The following WNK2 variants were observed in gnomAD, a reference collection of about 807,000 sequenced individuals.
The protein encoded by WNK2 is serine/threonine-protein kinase WNK2.
In WNK2, 67 loss-of-function variants were observed where a neutral mutation model predicts 192.1. The ratio of observed to expected loss-of-function variants is 0.35; its 90% CI spans 0.29 to 0.43. The LOEUF (loss-of-function observed/expected upper bound fraction) is 0.43, where lower values mean the gene tolerates loss of function less well. WNK2 is among the 20% of genes least tolerant of loss of function. WNK2 has a pLI of 1.00. For missense variants in WNK2, 2,698 were observed against 3,089.7 expected (o/e 0.87, Z 3.01); for synonymous variants, 1,439 against 1,393.9 (o/e 1.03, Z -0.72).
intron 21 of WNK2, 93 bp downstream of exon 21, chr9:93,290,140 G>C: frequency 8.7e-7 from 1 of 1,153,896 alleles, no homozygotes; most frequent in Non-Finnish European, 1.2e-6. Context: ...TCTTTCATCT[G>C]TTAAGGCATA....
chr9:93,251,460 C>T (rs1842595368), intron 8 of WNK2, among the ~76,000 whole-genome samples: 1 of 152,108 alleles, frequency 6.6e-6, no homozygotes, highest in African/African-American at 2.4e-5. Flanking sequence ...GGCATGGTGG[C>T]TCCTTTTGGG....
intron 2 of WNK2, among the ~76,000 whole-genome samples, chr9:93,203,550 G>T (rs1832857157): frequency 6.6e-6 from 1 of 152,186 alleles, no homozygotes; most frequent in Admixed American, 6.5e-5. Context: ...GTCGTTGAAG[G>T]CCTAGTCCCC....
In WNK2 at chr9:93,231,015, A is replaced by C; in HGVS notation, c.982A>C (p.Asn328His). ...CATCCACCGAGACCTGAAATGTGAC[A>C]ATATTTTCATCACCGGACCAACTGG... is the stretch of plus-strand genomic sequence containing the variant. ...PIIHRDLKCD[N>H]IFITGPTGSV... The change falls in exon 4 of 30, where the codon AAT becomes CAT. Residue 328 changes from asparagine to histidine, a missense_variant. Asn to His is a moderately conservative substitution (Grantham distance 68). Transcript: ENST00000427277. 1 of 1,613,884 alleles carries C rather than the reference A, an allele frequency of 6.2e-7. No homozygotes were observed. The highest frequency in any genetic ancestry group is 8.5e-7 in the Non-Finnish European group (1 of 1,179,846).
chr9:93,299,488 T>C (rs1010259754), intron 25 of WNK2, among the ~76,000 whole-genome samples: 1 of 150,320 alleles, frequency 6.7e-6, no homozygotes, highest in Non-Finnish European at 1.5e-5. Context: ...CAGGGGGAGG[T>C]GATGCTTTGC....
At chr9:93,277,187 G>A (rs541595010) in intron 19 of WNK2, among the ~76,000 whole-genome samples, 1 of 152,304 alleles carries the variant, frequency 6.6e-6, no homozygotes, top group South Asian at 2.1e-4. Context: ...AGGCATCACT[G>A]CACACCTGTT....
At chr9:93,302,375 G>A (rs1052453831) in intron 26 of WNK2, among the ~76,000 whole-genome samples, 3 of 152,068 alleles carry the variant, frequency 2.0e-5, no homozygotes, top group Non-Finnish European at 2.9e-5. Flanking sequence ...GTCGGGGGTC[G>A]CGCTGCAAGT....
In WNK2 at chr9:93,229,540, G is replaced by A. The variant is rs922488364; in HGVS notation, c.682-156G>A. Among the ~76,000 whole-genome samples the A allele has an allele frequency of 3.9e-5, 6 of 152,158 alleles. No homozygotes were observed. Among genetic ancestry groups the A allele is most frequent in the African/African-American group, 1.4e-4 (6 of 41,448 alleles). On this transcript the variant is annotated intron_variant, in intron 2 of 29. Transcript: ENST00000427277. The surrounding 1 kb of genome is among the most constrained non-coding windows in gnomAD (Gnocchi z 4.9). Reference sequence around the variant, plus strand: ...GGGGACTAAGGAGTCAGCAGTTGTGGTGCCAGTGTCTGCATGCCCTTCTAT... The same window carrying A: ...GGGGACTAAGGAGTCAGCAGTTGTGATGCCAGTGTCTGCATGCCCTTCTAT...
Position 93,231,037 on chromosome 9 carries a change from C to T in WNK2, c.1004C>T (p.Thr335Ile). Reference sequence around the variant, plus strand: ...GACAATATTTTCATCACCGGACCAACTGGGTCTGTGAAGATTGGCGACTTG... The same window carrying T: ...GACAATATTTTCATCACCGGACCAATTGGGTCTGTGAAGATTGGCGACTTG... ...KCDNIFITGPTGSVKIGDLGL... is the reference protein window; with the variant it reads ...KCDNIFITGPIGSVKIGDLGL... The change falls in exon 4 of 30, where the codon ACT becomes ATT. Residue 335 changes from threonine (T) to isoleucine (I), a missense_variant. This residue lies in a region of WNK2 where 230 missense variants were observed against 501.1 expected (regional missense o/e 0.46). Coordinates refer to ENST00000427277, the MANE Select transcript of WNK2 (RefSeq NM_006648.4). The T allele has an allele frequency of 6.2e-7, 1 of 1,613,946 alleles. No individual in the cohort carries two copies. The highest frequency in any genetic ancestry group is 8.5e-7 in the Non-Finnish European group (1 of 1,179,860).
chr9:93,305,698 G>A lies in WNK2; in HGVS notation c.6215-1079G>A, dbSNP rs946054271. Among the ~76,000 whole-genome samples, 3 of 152,244 alleles carry A rather than the reference G, an allele frequency of 2.0e-5. 1 individual carries two copies. Among genetic ancestry groups the A allele is most frequent in the South Asian group, 4.1e-4 (2 of 4,832 alleles). ...CTGTCCCCCGAGGCAGGAGGCATGAGCCCTTCTGGAGAAGGAAGGCAGACG... is the reference window on the plus strand; with the variant it reads ...CTGTCCCCCGAGGCAGGAGGCATGAACCCTTCTGGAGAAGGAAGGCAGACG... On this transcript the variant is annotated intron_variant, in intron 26 of 29. Coordinates refer to ENST00000427277, the MANE Select transcript of WNK2 (RefSeq NM_006648.4).
rs80271507 is a variant in WNK2 at position 93,243,025 on chromosome 9, G to T, written c.1542+3049G>T. ...TCAGGAGGCCAAGTGCTACAGCGACGGCTGAGCGGCAGAGGGGACATCAGA... is the reference window on the plus strand; with the variant it reads ...TCAGGAGGCCAAGTGCTACAGCGACTGCTGAGCGGCAGAGGGGACATCAGA... On this transcript the variant is annotated intron_variant, in intron 7 of 29. Transcript: ENST00000427277. 5.3e-3 allele frequency among the ~76,000 whole-genome samples: 813 copies of T among 152,284 alleles called. 8 individuals are homozygous for T. The highest frequency in any genetic ancestry group is 0.018 in the African/African-American group (751 of 41,552).
intron 29 of WNK2, among the ~76,000 whole-genome samples, chr9:93,319,933 G>T (rs910021913): frequency 3.9e-5 from 6 of 152,332 alleles, no homozygotes; most frequent in Admixed American, 1.3e-4. Context: ...AGCAAGCTGA[G>T]GGTCCCAGTG....
At chr9:93,231,724 C>G (rs1838844981) in intron 4 of WNK2, among the ~76,000 whole-genome samples, 1 of 152,232 alleles carries the variant, frequency 6.6e-6, no homozygotes, top group Admixed American at 6.5e-5. Flanking sequence ...TTGGGCATTT[C>G]AGGCCTCAGT....
In WNK2 at chr9:93,289,974, C is replaced by T; in HGVS notation, c.4867-4C>T. ...CTCTTCTCTTTTTGTGTTTCTTTCT[C>T]CAGGTGGAGAAGTCAGAACTGGCCC... On this transcript the variant is annotated splice_region_variant and splice_polypyrimidine_tract_variant and intron_variant, in intron 20 of 29. Transcript: ENST00000427277. The T allele has an allele frequency of 6.4e-7, 1 of 1,565,044 alleles. No individual in the cohort carries two copies. Among genetic ancestry groups the T allele is most frequent in the Non-Finnish European group, 8.7e-7 (1 of 1,153,952 alleles).
At chr9:93,305,926 A>AGCTCTG (rs759838959) in intron 26 of WNK2, among the ~76,000 whole-genome samples, 1 of 152,186 alleles carries the variant, frequency 6.6e-6, no homozygotes, top group Non-Finnish European at 1.5e-5. Flanking sequence ...TGCCCGTCCC[A>AGCTCTG]GCTCTGCCTG....
At chr9:93,289,670 G>T (rs755765523) in intron 20 of WNK2, 50 bp downstream of exon 20, 2 of 1,421,022 alleles carry the variant, frequency 1.4e-6, no homozygotes, top group East Asian at 5.1e-5. Flanking sequence ...AGGGGCCGGA[G>T]CCCGGGCGCA....
chr9:93,224,638 C>T (rs1271163742), intron 2 of WNK2, among the ~76,000 whole-genome samples: 2 of 152,176 alleles, frequency 1.3e-5, no homozygotes, highest in East Asian at 3.9e-4. Flanking sequence ...CTGGCATTGT[C>T]CCAGAATGCC....
intron 2 of WNK2, among the ~76,000 whole-genome samples, chr9:93,201,178 G>A (rs4743901): frequency 0.015 from 2,278 of 152,260 alleles, 23 homozygotes; most frequent in Non-Finnish European, 0.023. Context: ...GGATGAGTCT[G>A]TGTGGCCCTG....
chr9:93,288,736 T>A, intron 19 of WNK2, 52 bp from the exon 20 acceptor site: 1 of 1,504,840 alleles, frequency 6.6e-7, no homozygotes, highest in Non-Finnish European at 8.9e-7. Context: ...AAGAAACAGG[T>A]AGATAGGACT....
At chr9:93,293,508 C>A (rs535161351) in intron 23 of WNK2, among the ~76,000 whole-genome samples, 1 of 151,994 alleles carries the variant, frequency 6.6e-6, no homozygotes, top group Non-Finnish European at 1.5e-5. Context: ...TTAGTAGAGA[C>A]GGGGTTTCAC....
Sources: allele counts gnomAD v4.1 joint callset (sites outside exome capture counted in the v4.1 genomes callset), GRCh38; gene constraint gnomAD v4.1.1; regional missense constraint gnomAD v4.1.1; non-coding constraint Gnocchi (gnomAD v3.1); transcripts MANE v1.5; gene names NCBI Gene and HGNC (gene_info 2026-07-23, HGNC 2026-07-21).